MLPH: variants seen among roughly 807,000 people sequenced by gnomAD.
The protein encoded by MLPH is melanophilin.
A neutral mutation model predicts 72.1 loss-of-function variants in MLPH; 51 were observed. That is an observed-to-expected ratio of 0.71 (90% CI 0.56 to 0.89). The LOEUF is 0.89. Ranked by LOEUF, MLPH falls within the 40% of genes least tolerant of loss-of-function variation. The probability of loss-of-function intolerance (pLI) is 0.00; values close to 1 mark genes in which losing one functional copy is unlikely to be tolerated. For synonymous variants in MLPH, 301 were observed against 310.1 expected, an observed-to-expected ratio of 0.97 and a Z score of 0.31; for missense variants, 743 against 759.9, an observed-to-expected ratio of 0.98 and a Z score of 0.26.
intron 4 of MLPH, 83 bp from the exon 5 acceptor site, chr2:237,518,456 G>A: frequency 8.1e-6 from 9 of 1,112,798 alleles, no homozygotes; most frequent in Non-Finnish European, 1.2e-5. Flanking sequence ...ATAGATTAGT[G>A]GATGGATGGG....
At chr2:237,490,234 C>A (rs553014837) in intron 1 of MLPH, among the ~76,000 whole-genome samples, 3 of 152,194 alleles carry the variant, frequency 2.0e-5, no homozygotes, top group Admixed American at 1.3e-4. Context: ...ATATTCTCTG[C>A]CCTCACCTCC....
chr2:237,526,002 T>TC (rs1263888921), intron 7 of MLPH, among the ~76,000 whole-genome samples, 197 bp downstream of exon 7: 1 of 152,184 alleles, frequency 6.6e-6, no homozygotes, highest in Non-Finnish European at 1.5e-5. Context: ...GATGTGCGCT[T>TC]CCCTGTAACT....
chr2:237,546,277 CTG>C, intron 12 of MLPH: 3 of 392,540 alleles, frequency 7.6e-6, no homozygotes, highest in Non-Finnish European at 1.5e-5. Context: ...AGGGGGATGA[CTG>C]TGAATAGAAT....
intron 4 of MLPH, among the ~76,000 whole-genome samples, chr2:237,517,191 G>A (rs79020383): frequency 0.2 from 29,528 of 150,870 alleles, 3,272 homozygotes; most frequent in African/African-American, 0.33. Context: ...ATGAAGGAGT[G>A]AGGGATGAGT....
chr2:237,505,529 C>T lies in MLPH; in HGVS notation c.111-5045C>T, dbSNP rs1220687767. ...GGATGGCCACAGTGGGAGCTTCCCC[C>T]TGCTGTGCCTTCAGGGGTGGCCACC... On this transcript the variant is annotated intron_variant, in intron 2 of 15. Transcript: ENST00000264605. This position sits in a 1 kb window ranked among gnomAD's most constrained non-coding sequence, Gnocchi z 4.5. 6.6e-6 allele frequency among the ~76,000 whole-genome samples: 1 copy of T among 152,224 alleles called. No individual in the cohort carries two copies. The highest frequency in any genetic ancestry group is 1.5e-5 in the Non-Finnish European group (1 of 68,042).
rs1470830883 is a variant in MLPH at position 237,541,696 on chromosome 2, TG to T, written c.1446+740del. On this transcript the variant is annotated intron_variant, in intron 11 of 15. Coordinates refer to ENST00000264605, the MANE Select transcript of MLPH (RefSeq NM_024101.7). This position sits in a 1 kb window ranked among gnomAD's most constrained non-coding sequence, Gnocchi z 5.1. ...AATGCCTAGAATGTAGCCCACATTG[TG>T]TAGGCCACGGAAGATCTGGTGCAAA... is the stretch of plus-strand genomic sequence containing the variant. Among the ~76,000 whole-genome samples the T allele has an allele frequency of 6.6e-6, 1 of 152,234 alleles. No individual in the cohort carries two copies. Among genetic ancestry groups the T allele is most frequent in the Non-Finnish European group, 1.5e-5 (1 of 68,046 alleles).
At chr2:237,490,531 A>C (rs2079409371) in intron 1 of MLPH, among the ~76,000 whole-genome samples, 1 of 152,168 alleles carries the variant, frequency 6.6e-6, no homozygotes, top group Non-Finnish European at 1.5e-5. Flanking sequence ...TCTTCCTCAC[A>C]CATCATGATT....
At chr2:237,522,513 C>T (rs1311190274) in intron 6 of MLPH, among the ~76,000 whole-genome samples, 1 of 136,838 alleles carries the variant, frequency 7.3e-6, no homozygotes, top group Non-Finnish European at 1.6e-5. Context: ...GGCCTTCAAA[C>T]ACCTGCTACA....
rs2081092788 is a variant in MLPH, at chr2:237,554,394, C to T, written c.*802C>T. On this transcript the variant is annotated 3_prime_UTR_variant, in exon 16 of 16. Coordinates refer to ENST00000264605, the MANE Select transcript of MLPH (RefSeq NM_024101.7). ...TCCAGTGGGGCAGAGGACAGAGGGT[C>T]ACAACCAATGAGGGATGTCTGCCAA... The T allele has an allele frequency of 6.4e-6, 1 of 156,160 alleles. No homozygotes were observed. The highest frequency in any genetic ancestry group is 2.4e-5 in the African/African-American group (1 of 41,458). The allele number at this position is 156,160 out of a possible 1,614,324, so 9.7% of individuals were successfully genotyped here.
At position 237,510,900 on chromosome 2, in the gene MLPH, CGTGTGT is replaced by C. The variant is rs71887544; in HGVS notation, c.333-69_333-64del. ...GGGTGGACGCACACATGCACACACT[CGTGTGT>C]GTGTGTGTGTGTGTGTGTGAGATTT... On this transcript the variant is annotated intron_variant, in intron 3 of 15. Transcript: ENST00000264605. This position sits in a 1 kb window ranked among gnomAD's most constrained non-coding sequence, Gnocchi z 4.4. 133 of 1,319,264 alleles carry C rather than the reference CGTGTGT, an allele frequency of 1.0e-4. No homozygotes were observed. Among genetic ancestry groups the C allele is most frequent in the Middle Eastern group, 1.9e-4 (1 of 5,222 alleles). 81.7% of individuals were successfully genotyped at this position (1,319,264 alleles called of 1,614,324 possible).
chr2:237,510,900 C>CGTGTGT lies in MLPH; in HGVS notation c.333-69_333-64dup, dbSNP rs71887544. On this transcript the variant is annotated intron_variant, in intron 3 of 15. Coordinates refer to ENST00000264605, the MANE Select transcript of MLPH (RefSeq NM_024101.7). The surrounding 1 kb of genome is among the most constrained non-coding windows in gnomAD (Gnocchi z 4.4). ...GGGTGGACGCACACATGCACACACT[C>CGTGTGT]GTGTGTGTGTGTGTGTGTGTGTGTG... 7,799 of 1,319,356 alleles carry CGTGTGT rather than the reference C, an allele frequency of 5.9e-3. 17 individuals carry two copies. Among genetic ancestry groups the CGTGTGT allele is most frequent in the East Asian group, 0.014 (572 of 41,376 alleles). 81.7% of individuals were successfully genotyped at this position (1,319,356 alleles called of 1,614,324 possible).
At chr2:237,534,428 G>A in intron 8 of MLPH, 136 bp from the exon 9 acceptor site, 1 of 757,428 alleles carries the variant, frequency 1.3e-6, no homozygotes, top group Non-Finnish European at 2.4e-6. Flanking sequence ...ACCTTCCCAG[G>A]CCATGTCATG....
At chr2:237,551,173 T>C (rs2081032279) in intron 14 of MLPH, among the ~76,000 whole-genome samples, 2 of 152,218 alleles carry the variant, frequency 1.3e-5, no homozygotes, top group South Asian at 4.1e-4. Context: ...CTGTGGGGCC[T>C]CATGCGACTT....
intron 1 of MLPH, among the ~76,000 whole-genome samples, chr2:237,489,212 C>A (rs796256845): frequency 1.4e-4 from 22 of 152,352 alleles, no homozygotes; most frequent in African/African-American, 5.1e-4. Flanking sequence ...GCGGTAGAGA[C>A]TAGCACTGAG....
At chr2:237,501,539 AC>A (rs2079646953) in intron 2 of MLPH, among the ~76,000 whole-genome samples, 1 of 151,328 alleles carries the variant, frequency 6.6e-6, no homozygotes, top group African/African-American at 2.4e-5. Context: ...AAAATAATTC[AC>A]TCTAGGCCAG....
chr2:237,508,121 CT>C (rs142992421), intron 2 of MLPH, among the ~76,000 whole-genome samples: 1 of 151,766 alleles, frequency 6.6e-6, no homozygotes, highest in Non-Finnish European at 1.5e-5. Flanking sequence ...ATTTCTTTTT[CT>C]TTTTTTTGAG....
chr2:237,545,200 T>TGGG (rs201073337), intron 12 of MLPH, among the ~76,000 whole-genome samples: 1 of 12,778 alleles, frequency 7.8e-5, no homozygotes, highest in Non-Finnish European at 1.3e-4. Context: ...CAGTGGTGAG[T>TGGG]GGGGACAGTG....
intron 4 of MLPH, among the ~76,000 whole-genome samples, chr2:237,516,872 G>A (rs1455769181): frequency 1.2e-4 from 18 of 151,358 alleles, no homozygotes; most frequent in Admixed American, 2.6e-4. Context: ...TGGATGGATG[G>A]GTGGATGGAT....
chr2:237,539,000 A>T (rs1419262436), intron 9 of MLPH, among the ~76,000 whole-genome samples: 1 of 152,174 alleles, frequency 6.6e-6, no homozygotes, highest in East Asian at 1.9e-4. Flanking sequence ...GGTCCCAAGG[A>T]GGGAGCCGCT....
Sources: allele counts gnomAD v4.1 joint callset (sites outside exome capture counted in the v4.1 genomes callset), GRCh38; gene constraint gnomAD v4.1.1; non-coding constraint Gnocchi (gnomAD v3.1); transcripts MANE v1.5; gene names NCBI Gene and HGNC (gene_info 2026-07-23, HGNC 2026-07-21).